Variants in RAB31 observed in about 807,000 individuals in gnomAD.
RAB31 encodes the protein ras-related protein Rab-31.
RAB31 carries 21 observed loss-of-function variants against 25.6 expected under a neutral mutation model. The ratio of observed to expected loss-of-function variants is 0.82; its 90% CI spans 0.58 to 1.18. RAB31 has a LOEUF of 1.18. RAB31 is among the 50% of genes most tolerant of loss of function. The probability of loss-of-function intolerance (pLI) is 0.00; values close to 1 mark genes in which losing one functional copy is unlikely to be tolerated. For missense variants in RAB31, 196 were observed against 250.1 expected (o/e 0.78, Z 1.46); for synonymous variants, 87 against 84.0 (o/e 1.04, Z -0.20).
intron 2 of RAB31, among the ~76,000 whole-genome samples, chr18:9,784,776 C>T (rs1479791554): frequency 6.6e-6 from 1 of 152,024 alleles, no homozygotes; most frequent in Non-Finnish European, 1.5e-5. Flanking sequence ...TGGTTTCGAA[C>T]TCCTGACCTC....
At chr18:9,761,888 A>G (rs965257773) in intron 1 of RAB31, among the ~76,000 whole-genome samples, 1 of 152,062 alleles carries the variant, frequency 6.6e-6, no homozygotes, top group African/African-American at 2.4e-5. Flanking sequence ...GCTCACTGCA[A>G]CCTCTGCCTT....
intron 1 of RAB31, among the ~76,000 whole-genome samples, chr18:9,712,251 G>C (rs2068021338): frequency 6.6e-6 from 1 of 152,104 alleles, no homozygotes; most frequent in East Asian, 1.9e-4. Context: ...GTTTGTTTAG[G>C]TTACCTGTTA....
In RAB31 at chr18:9,849,708, G is replaced by A. The variant is rs1180375453; in HGVS notation, c.490+4017G>A. ...TAGATTGGGTGAGGAAGGCCTCCCC[G>A]GGGAAATGATTTTAAGCTGGACCTG... On this transcript the variant is annotated intron_variant, in intron 6 of 6. Transcript: ENST00000578921. The A allele has an allele frequency of 5.3e-5, 8 of 152,320 alleles. No individual in the cohort carries two copies. In the East Asian group the frequency reaches 1.2e-3, roughly 22 times the overall value. The allele number at this position is 152,320 out of a possible 1,614,324, so 9.4% of individuals were successfully genotyped here. A position where few individuals can be genotyped will look rare whatever the true frequency, so the allele number is the denominator to read the frequency against.
intron 1 of RAB31, among the ~76,000 whole-genome samples, chr18:9,720,984 TG>T (rs1483562911): frequency 6.6e-6 from 1 of 152,156 alleles, no homozygotes; most frequent in Non-Finnish European, 1.5e-5. Context: ...GGTCGTTCTC[TG>T]GGGTCCGTGG....
chr18:9,714,455 C>T (rs958452371), intron 1 of RAB31, among the ~76,000 whole-genome samples: 5 of 152,218 alleles, frequency 3.3e-5, no homozygotes, highest in African/African-American at 4.8e-5. Context: ...ACTCACTGTT[C>T]ACCTCCTGCT....
chr18:9,757,308 C>T (rs2068264967), intron 1 of RAB31, among the ~76,000 whole-genome samples: 1 of 152,286 alleles, frequency 6.6e-6, no homozygotes, highest in South Asian at 2.1e-4. Context: ...AGCCGGCCTG[C>T]AGTGGGGACA....
At chr18:9,759,147 C>T (rs1004659177) in intron 1 of RAB31, among the ~76,000 whole-genome samples, 9 of 151,986 alleles carry the variant, frequency 5.9e-5, no homozygotes, top group Admixed American at 2.6e-4. Context: ...CTATGTAGAG[C>T]GGAGGGCACT....
rs542882046 is a variant in RAB31, at chr18:9,860,904, G to A, written c.*1579G>A. 3 of 152,258 alleles carry A rather than the reference G, an allele frequency of 2.0e-5. No homozygotes were observed. In the South Asian group the frequency reaches 6.2e-4, roughly 32 times the overall value. The allele number at this position is 152,258 out of a possible 1,614,324, so 9.4% of individuals were successfully genotyped here. A position where few individuals can be genotyped will look rare whatever the true frequency, so the allele number is the denominator to read the frequency against. ...TCATTGACAGTGTTAGGATGTGAAG[G>A]CTGGGAAACACTTATTTTGCTTCAA... is the stretch of plus-strand genomic sequence containing the variant. On this transcript the variant is annotated 3_prime_UTR_variant, in exon 7 of 7. Coordinates refer to ENST00000578921, the MANE Select transcript of RAB31 (RefSeq NM_006868.4).
chr18:9,851,173 C>G (rs1294767512), intron 6 of RAB31, among the ~76,000 whole-genome samples: 1 of 151,582 alleles, frequency 6.6e-6, no homozygotes, highest in East Asian at 1.9e-4. Context: ...CAAAGTTTGT[C>G]CACTTTCTCA....
intron 1 of RAB31, among the ~76,000 whole-genome samples, chr18:9,752,776 C>T (rs2068241991): frequency 6.6e-6 from 1 of 152,198 alleles, no homozygotes; most frequent in Admixed American, 6.5e-5. Context: ...TGCACACAAA[C>T]CCTTTTACAA....
At chr18:9,857,371 A>G (rs1046521861) in intron 6 of RAB31, among the ~76,000 whole-genome samples, 9 of 152,046 alleles carry the variant, frequency 5.9e-5, no homozygotes, top group African/African-American at 2.2e-4. Flanking sequence ...TCATTAGGTA[A>G]CACCCACTTG....
At chr18:9,778,176 G>A (rs147580570) in intron 2 of RAB31, among the ~76,000 whole-genome samples, 1 of 152,318 alleles carries the variant, frequency 6.6e-6, no homozygotes, top group African/African-American at 2.4e-5. Flanking sequence ...GGGTAGTTAC[G>A]TAATTTTGGT....
At chr18:9,817,687 T>C (rs2068605883) in intron 5 of RAB31, among the ~76,000 whole-genome samples, 1 of 152,214 alleles carries the variant, frequency 6.6e-6, no homozygotes, top group Non-Finnish European at 1.5e-5. Flanking sequence ...CTGTGACATA[T>C]AGATGTGGCT....
chr18:9,737,820 A>G lies in RAB31; in HGVS notation c.39+29376A>G, dbSNP rs1485708669. 2.0e-5 allele frequency among the ~76,000 whole-genome samples: 3 copies of G among 152,190 alleles called. No individual in the cohort carries two copies. The East Asian group carries it at 5.8e-4, about 29-fold the overall frequency. On this transcript the variant is annotated intron_variant, in intron 1 of 6. Transcript: ENST00000578921. ...CTGAAATAGTCCATAGCATAAGGAAACCAAGCAGGGGTCTCTAAATAGGTC... is the reference window on the plus strand; with the variant it reads ...CTGAAATAGTCCATAGCATAAGGAAGCCAAGCAGGGGTCTCTAAATAGGTC...
At chr18:9,829,387 T>G (rs2068666150) in intron 5 of RAB31, among the ~76,000 whole-genome samples, 1 of 152,276 alleles carries the variant, frequency 6.6e-6, no homozygotes, top group Non-Finnish European at 1.5e-5. Context: ...GGGGGTTAGC[T>G]GTGGTTTCTA....
At chr18:9,838,819 T>A (rs1042858272) in intron 5 of RAB31, among the ~76,000 whole-genome samples, 4 of 152,184 alleles carry the variant, frequency 2.6e-5, no homozygotes, top group African/African-American at 9.7e-5. Context: ...TTCATGTTTT[T>A]ACCCTCAAAG....
At chr18:9,821,994 A>C (rs1167196769) in intron 5 of RAB31, among the ~76,000 whole-genome samples, 1 of 152,230 alleles carries the variant, frequency 6.6e-6, no homozygotes, top group Non-Finnish European at 1.5e-5. Context: ...ACAGACACTG[A>C]ATAGCTAAAA....
At chr18:9,720,057 G>A (rs2068066742) in intron 1 of RAB31, among the ~76,000 whole-genome samples, 1 of 152,000 alleles carries the variant, frequency 6.6e-6, no homozygotes, top group Non-Finnish European at 1.5e-5. Flanking sequence ...TCCGCCTCCT[G>A]GGTTCAAGCA....
At chr18:9,827,778 T>G (rs780669911) in intron 5 of RAB31, among the ~76,000 whole-genome samples, 1 of 152,144 alleles carries the variant, frequency 6.6e-6, no homozygotes, top group Non-Finnish European at 1.5e-5. Context: ...AGCAAATACG[T>G]TTTGACGGTC....
Sources: gnomAD v4.1 joint callset for allele counts (sites outside exome capture counted in the v4.1 genomes callset) on GRCh38, gnomAD v4.1.1 for gene constraint, MANE v1.5 for transcripts, NCBI Gene and HGNC (gene_info 2026-07-23, HGNC 2026-07-21) for gene names.